The following CACNB4 variants were observed in gnomAD, a reference collection of about 807,000 sequenced individuals.
CACNB4 encodes voltage-dependent L-type calcium channel subunit beta-4.
In CACNB4, 32 loss-of-function variants were observed where a neutral mutation model predicts 71.2. The ratio of observed to expected loss-of-function variants is 0.45; its 90% CI spans 0.34 to 0.60. CACNB4 has a LOEUF of 0.60. Ranked by LOEUF, CACNB4 falls within the 20% of genes least tolerant of loss-of-function variation. The pLI is 0.01. For missense variants in CACNB4, 464 were observed against 647.9 expected (o/e 0.72, Z 3.08); for synonymous variants, 231 against 236.9 (o/e 0.97, Z 0.23).
chr2:152,058,010 T>A (rs575672079), intron 2 of CACNB4, among the ~76,000 whole-genome samples: 1 of 152,288 alleles, frequency 6.6e-6, no homozygotes, highest in Non-Finnish European at 1.5e-5. Flanking sequence ...ATTCTCATGA[T>A]AATAAGTGAG....
rs763364867 is a variant in CACNB4 at position 152,003,444 on chromosome 2, TA to T, written c.147+94885del. ...CTGGGCGACAGACCAAGATTCCATCTAAAAAAAAAAAAAAAATCTCTACAGC... is the reference window on the plus strand; with the variant it reads ...CTGGGCGACAGACCAAGATTCCATCTAAAAAAAAAAAAAAATCTCTACAGC... On this transcript the variant is annotated intron_variant, in intron 2 of 13. Transcript: ENST00000539935. 8.0e-3 allele frequency among the ~76,000 whole-genome samples: 1,110 copies of T among 138,892 alleles called. 2 individuals are homozygous for T. The highest frequency in any genetic ancestry group is 8.2e-3 in the African/African-American group (309 of 37,760). 91.1% of individuals were successfully genotyped at this position (138,892 alleles called of 152,430 possible). A position where few individuals can be genotyped will look rare whatever the true frequency, so the allele number is the denominator to read the frequency against.
At chr2:151,946,004 ATTG>A (rs1359664577) in intron 2 of CACNB4, among the ~76,000 whole-genome samples, 48 of 149,498 alleles carry the variant, frequency 3.2e-4, no homozygotes, top group African/African-American at 8.3e-4. Context: ...TGCTGCTACT[ATTG>A]TTGTTGTTAT....
intron 2 of CACNB4, among the ~76,000 whole-genome samples, chr2:152,015,172 G>A (rs1683273828): frequency 6.6e-6 from 1 of 151,534 alleles, no homozygotes; most frequent in African/African-American, 2.4e-5. Context: ...TCGCTCTGTT[G>A]CCCAGGCTGG....
intron 2 of CACNB4, among the ~76,000 whole-genome samples, chr2:152,042,736 C>A (rs1234320452): frequency 6.6e-6 from 1 of 152,028 alleles, no homozygotes; most frequent in African/African-American, 2.4e-5. Flanking sequence ...TGAACCAGAG[C>A]AACTCCATCT....
chr2:151,971,750 C>T (rs2099872609), intron 2 of CACNB4: 1 of 628,886 alleles, frequency 1.6e-6, no homozygotes, highest in South Asian at 1.8e-5. Context: ...AGTCAGTTCA[C>T]CCCTCCGAAC....
chr2:151,967,469 A>AT (rs1210820912), intron 2 of CACNB4: 1 of 143,316 alleles, frequency 7.0e-6, no homozygotes, highest in Non-Finnish European at 1.6e-5. Flanking sequence ...TAGAAGGCAA[A>AT]ATTTTTTAAG....
intron 2 of CACNB4, among the ~76,000 whole-genome samples, chr2:152,083,869 T>A (rs1377126640): frequency 6.6e-6 from 1 of 152,196 alleles, no homozygotes; most frequent in Non-Finnish European, 1.5e-5. Context: ...GTCCCAAGGA[T>A]CCCATTCCGA....
rs1405678770 is a variant in CACNB4, at chr2:151,971,686, A to C, written c.148-88316T>G. 8.7e-6 allele frequency: 6 copies of C among 692,738 alleles called. No homozygotes were observed. The African/African-American group carries it at 8.8e-5, about 10-fold the overall frequency. 42.9% of individuals were successfully genotyped at this position (692,738 alleles called of 1,614,324 possible). On this transcript the variant is annotated intron_variant, in intron 2 of 13. Transcript: ENST00000539935. Reference sequence around the variant, plus strand: ...AGCTCTGTTCACACCATCTTGGGTAACACATCACATTATTCTTCCTTATAA... The same window carrying C: ...AGCTCTGTTCACACCATCTTGGGTACCACATCACATTATTCTTCCTTATAA...
chr2:151,892,062 G>A (rs571856732), intron 2 of CACNB4, among the ~76,000 whole-genome samples: 6 of 152,280 alleles, frequency 3.9e-5, no homozygotes, highest in Admixed American at 2.6e-4. Flanking sequence ...CAGCAGAGAC[G>A]TTAAAAGGAA....
chr2:152,058,829 C>A (rs528421983), intron 2 of CACNB4, among the ~76,000 whole-genome samples: 2 of 152,228 alleles, frequency 1.3e-5, no homozygotes, highest in African/African-American at 2.4e-5. Flanking sequence ...CCATCACAGG[C>A]CCAGAGGCCT....
At chr2:152,068,021 G>A (rs1686445115) in intron 2 of CACNB4, among the ~76,000 whole-genome samples, 1 of 152,180 alleles carries the variant, frequency 6.6e-6, no homozygotes, top group African/African-American at 2.4e-5. Context: ...TTGACTCATT[G>A]CCTGCAGCCA....
intron 2 of CACNB4, among the ~76,000 whole-genome samples, chr2:151,952,558 A>G (rs1441365281): frequency 3.3e-5 from 5 of 152,218 alleles, no homozygotes; most frequent in African/African-American, 1.2e-4. Context: ...ATGCGCAAAG[A>G]AAATGTAAAT....
intron 2 of CACNB4, among the ~76,000 whole-genome samples, chr2:151,923,709 TA>T (rs774047889): frequency 5.9e-5 from 9 of 152,170 alleles, no homozygotes; most frequent in Non-Finnish European, 1.0e-4. Flanking sequence ...AGAAGAACCA[TA>T]AGACTAAGGA....
Position 152,038,649 on chromosome 2 carries a change from C to T in CACNB4, c.147+59681G>A, listed in dbSNP as rs965293283. On this transcript the variant is annotated intron_variant, in intron 2 of 13. Coordinates refer to ENST00000539935, the MANE Select transcript of CACNB4 (RefSeq NM_000726.5). Reference sequence around the variant, plus strand: ...AGGCTGAGACTTCCTTTTCCTCTTTCCACAAAAGACATGGCAATAAAAGCA... The same window carrying T: ...AGGCTGAGACTTCCTTTTCCTCTTTTCACAAAAGACATGGCAATAAAAGCA... 2.6e-5 allele frequency among the ~76,000 whole-genome samples: 4 copies of T among 152,316 alleles called. No homozygotes were observed. In the South Asian group the frequency reaches 8.3e-4, roughly 32 times the overall value.
intron 2 of CACNB4, among the ~76,000 whole-genome samples, chr2:151,986,481 C>T (rs1430556103): frequency 2.0e-5 from 3 of 152,136 alleles, no homozygotes; most frequent in Non-Finnish European, 4.4e-5. Context: ...CAACCCACTC[C>T]CAATCCCACT....
chr2:151,928,800 G>C (rs536399970), intron 2 of CACNB4, among the ~76,000 whole-genome samples: 1 of 151,844 alleles, frequency 6.6e-6, no homozygotes, highest in Non-Finnish European at 1.5e-5. Flanking sequence ...GGTATGTGCC[G>C]GTGGTCCCAG....
At chr2:151,905,378 G>T (rs114873853) in intron 2 of CACNB4, among the ~76,000 whole-genome samples, 4 of 152,024 alleles carry the variant, frequency 2.6e-5, no homozygotes, top group African/African-American at 9.7e-5. Flanking sequence ...ACATCTTCCC[G>T]ATGTGCACTC....
chr2:151,851,791 T>C (rs1292402986), intron 12 of CACNB4: 1 of 152,254 alleles, frequency 6.6e-6, no homozygotes, highest in Non-Finnish European at 1.5e-5. Context: ...CAAACTGATA[T>C]AACTATCCTT....
intron 2 of CACNB4, among the ~76,000 whole-genome samples, chr2:152,096,463 G>A (rs749727787): frequency 3.1e-4 from 47 of 152,254 alleles, no homozygotes; most frequent in Middle Eastern, 3.4e-3. Context: ...CAGCCTGGGC[G>A]ACAGAGCAAG....
Sources: allele counts gnomAD v4.1 joint callset (sites outside exome capture counted in the v4.1 genomes callset), GRCh38; gene constraint gnomAD v4.1.1; transcripts MANE v1.5; gene names NCBI Gene and HGNC (gene_info 2026-07-23, HGNC 2026-07-21).